The following FEZ2 variants were observed in gnomAD, a reference collection of about 807,000 sequenced individuals.
The protein encoded by FEZ2 is fasciculation and elongation protein zeta 2.
A neutral mutation model predicts 40.4 loss-of-function variants in FEZ2; 51 were observed. The ratio of observed to expected loss-of-function variants is 1.26; its 90% CI spans 1.01 to 1.59. The LOEUF (loss-of-function observed/expected upper bound fraction) is 1.59. Among genes scored for constraint, FEZ2 ranks in the 40% most tolerant of loss-of-function variants. FEZ2 has a pLI of 0.00. For missense variants in FEZ2, 640 were observed against 438.3 expected (o/e 1.46, Z -4.11); for synonymous variants, 242 against 172.0 (o/e 1.41, Z -3.18).
chr2:36,597,168 T>C (rs944961028), intron 1 of FEZ2, among the ~76,000 whole-genome samples: 3 of 152,154 alleles, frequency 2.0e-5, no homozygotes, highest in Non-Finnish European at 4.4e-5. Flanking sequence ...GTCCCACAGA[T>C]TCCTGTGCCC....
At chr2:36,587,343 T>C (rs894126370) in intron 2 of FEZ2, among the ~76,000 whole-genome samples, 1 of 152,204 alleles carries the variant, frequency 6.6e-6, no homozygotes, top group South Asian at 2.1e-4. Context: ...ATGGGTATCA[T>C]TATTCACTCC....
chr2:36,564,965 A>C (rs1350406567), intron 5 of FEZ2, among the ~76,000 whole-genome samples: 1 of 152,200 alleles, frequency 6.6e-6, no homozygotes. Flanking sequence ...AGGTTGACGG[A>C]AAAGAGAGAC....
intron 1 of FEZ2, among the ~76,000 whole-genome samples, chr2:36,596,493 G>C (rs1268320798): frequency 6.6e-6 from 1 of 152,102 alleles, no homozygotes; most frequent in African/African-American, 2.4e-5. Flanking sequence ...GTCTCGCTCT[G>C]ACACCCAGGC....
chr2:36,558,746 C>T (rs1469871803), intron 5 of FEZ2: 3 of 313,870 alleles, frequency 9.6e-6, no homozygotes, highest in African/African-American at 2.1e-5. Context: ...GAAACAACCA[C>T]CTTTTTGCAT....
At chr2:36,585,732 T>C (rs898493702) in intron 2 of FEZ2, among the ~76,000 whole-genome samples, 4 of 152,122 alleles carry the variant, frequency 2.6e-5, no homozygotes, top group Non-Finnish European at 5.9e-5. Flanking sequence ...TAAATATAAA[T>C]GATGAAGATT....
chr2:36,594,477 C>T lies in FEZ2; in HGVS notation c.266+3400G>A, dbSNP rs568456223. ...GAGGCAAAAGGCACTTCTTACATGG[C>T]GGCAGCAAGGGAAAATGAGGAAGGA... is the stretch of plus-strand genomic sequence containing the variant. On this transcript the variant is annotated intron_variant, in intron 1 of 7. Coordinates refer to ENST00000405912, the MANE Select transcript of FEZ2 (RefSeq NM_005102.3). The T allele has an allele frequency of 1.9e-4, 38 of 199,080 alleles. No homozygotes were observed. The South Asian group carries it at 3.7e-3, about 19-fold the overall frequency. The allele number at this position is 199,080 out of a possible 1,614,324, so 12.3% of individuals were successfully genotyped here.
chr2:36,563,540 A>G (rs551021001), intron 5 of FEZ2, among the ~76,000 whole-genome samples: 1 of 149,664 alleles, frequency 6.7e-6, no homozygotes, highest in South Asian at 2.1e-4. Flanking sequence ...AAAAAAAACT[A>G]AAATCTACGT....
intron 4 of FEZ2, among the ~76,000 whole-genome samples, chr2:36,579,435 G>C (rs1668671049): frequency 6.6e-6 from 1 of 152,184 alleles, no homozygotes; most frequent in South Asian, 2.1e-4. Flanking sequence ...GTGGGGCTTG[G>C]TGGGAGGTCA....
Position 36,597,939 on chromosome 2 carries a change from G to A in FEZ2, c.204C>T (p.Gly68=), listed in dbSNP as rs1359181172. The A allele has an allele frequency of 6.9e-7, 1 of 1,446,132 alleles. No homozygotes were observed. Among genetic ancestry groups the A allele is most frequent in the Non-Finnish European group, 9.0e-7 (1 of 1,106,548 alleles). 89.6% of individuals were successfully genotyped at this position (1,446,132 alleles called of 1,614,324 possible). A position where few individuals can be genotyped will look rare whatever the true frequency, so the allele number is the denominator to read the frequency against. The change falls in exon 1 of 8, where the codon GGC becomes GGT. Residue 68 remains glycine (G), a synonymous_variant. Transcript: ENST00000405912. ...GCACGGCCGTCCTCGGGGGCTCGGCGCCCGGATCCGAGGGGCGGAAGCACA... is the reference window on the plus strand; with the variant it reads ...GCACGGCCGTCCTCGGGGGCTCGGCACCCGGATCCGAGGGGCGGAAGCACA... ...LSLCFRPSDP[G]AEPPRTAVRP...
intron 2 of FEZ2, 185 bp downstream of exon 2, chr2:36,590,718 C>T (rs1346806290): frequency 3.8e-5 from 20 of 525,526 alleles, no homozygotes; most frequent in Non-Finnish European, 6.8e-6. Context: ...TGGAGAAGAA[C>T]TGGAGGAATG....
chr2:36,585,518 G>A (rs1030143239), intron 2 of FEZ2, among the ~76,000 whole-genome samples: 22 of 152,148 alleles, frequency 1.4e-4, no homozygotes, highest in African/African-American at 5.3e-4. Flanking sequence ...TGGGGAGGGA[G>A]AGCAGAAGGA....
At chr2:36,563,737 G>A (rs1443053114) in intron 5 of FEZ2, among the ~76,000 whole-genome samples, 2 of 152,032 alleles carry the variant, frequency 1.3e-5, no homozygotes, top group African/African-American at 4.8e-5. Context: ...TCCTGAAACA[G>A]CTCTTCCCAA....
rs1667830235 is a variant in FEZ2, at chr2:36,552,259, T to C, written c.*904A>G. The C allele has an allele frequency of 2.2e-6, 1 of 451,542 alleles. No individual in the cohort carries two copies. Among genetic ancestry groups the C allele is most frequent in the Admixed American group, 2.6e-5 (1 of 38,592 alleles). The allele number at this position is 451,542 out of a possible 1,614,324, so 28.0% of individuals were successfully genotyped here. A position where few individuals can be genotyped will look rare whatever the true frequency, so the allele number is the denominator to read the frequency against. On this transcript the variant is annotated 3_prime_UTR_variant, in exon 8 of 8. Coordinates refer to ENST00000405912, the MANE Select transcript of FEZ2 (RefSeq NM_005102.3). ...AAATATAAGGCTCTCAAACATGTATTTTTACTTCTTAAAAAATTTATTAAA... is the reference window on the plus strand; with the variant it reads ...AAATATAAGGCTCTCAAACATGTATCTTTACTTCTTAAAAAATTTATTAAA...
chr2:36,585,227 C>A (rs1668867780), intron 2 of FEZ2, among the ~76,000 whole-genome samples: 1 of 152,144 alleles, frequency 6.6e-6, no homozygotes, highest in Non-Finnish European at 1.5e-5. Flanking sequence ...ATCCTAGAAT[C>A]CTATATCCAG....
chr2:36,591,131 A>G, intron 1 of FEZ2, 120 bp from the exon 2 acceptor site: 1 of 669,880 alleles, frequency 1.5e-6, no homozygotes, highest in Non-Finnish European at 2.6e-6. Flanking sequence ...CAGACAGCAC[A>G]TTGTTTCTCA....
intron 7 of FEZ2, among the ~76,000 whole-genome samples, chr2:36,553,831 G>A (rs1667886327): frequency 6.6e-6 from 1 of 152,160 alleles, no homozygotes; most frequent in Admixed American, 6.5e-5. Flanking sequence ...AAAAGGGGAA[G>A]GAGTATTCTC....
At chr2:36,597,129 G>A (rs1558463164) in intron 1 of FEZ2, among the ~76,000 whole-genome samples, 1 of 152,002 alleles carries the variant, frequency 6.6e-6, no homozygotes, top group Non-Finnish European at 1.5e-5. Flanking sequence ...CTCTGTGGCG[G>A]CTCGCACTCT....
At chr2:36,565,687 GA>G (rs1331202334) in intron 5 of FEZ2, among the ~76,000 whole-genome samples, 2 of 152,150 alleles carry the variant, frequency 1.3e-5, no homozygotes, top group African/African-American at 4.8e-5. Flanking sequence ...GCCAGGCTCA[GA>G]AAACACTAAA....
intron 7 of FEZ2, 25 bp from the exon 8 acceptor site, chr2:36,553,204 C>G (rs905913552): frequency 6.6e-7 from 1 of 1,513,148 alleles, no homozygotes; most frequent in Non-Finnish European, 9.0e-7. Context: ...GAACTTTTAG[C>G]TACAAATGTA....
Sources: allele counts gnomAD v4.1 joint callset (sites outside exome capture counted in the v4.1 genomes callset), GRCh38; gene constraint gnomAD v4.1.1; transcripts MANE v1.5; gene names NCBI Gene and HGNC (gene_info 2026-07-23, HGNC 2026-07-21).